RGS22: variants seen among roughly 807,000 people sequenced by gnomAD.
RGS22 encodes regulator of G-protein signaling 22.
RGS22 carries 148 observed loss-of-function variants against 172.9 expected under a neutral mutation model. That is an observed-to-expected ratio of 0.86 (90% CI 0.75 to 0.98). The LOEUF (loss-of-function observed/expected upper bound fraction) is 0.98, where lower values mean the gene tolerates loss of function less well. Among genes scored for constraint, RGS22 ranks in the 50% least tolerant of loss-of-function variants. RGS22 has a pLI of 0.00. For missense variants in RGS22, 1,347 were observed against 1,440.8 expected, an observed-to-expected ratio of 0.93 and a Z score of 1.05; for synonymous variants, 458 against 480.2, an observed-to-expected ratio of 0.95 and a Z score of 0.60.
intron 3 of RGS22, among the ~76,000 whole-genome samples, chr8:100,089,786 C>T (rs750043772): frequency 1.2e-4 from 19 of 152,102 alleles, no homozygotes; most frequent in Non-Finnish European, 2.2e-4. Flanking sequence ...TTCACACTAT[C>T]GGGATAAAAA....
At chr8:100,053,126 C>T in intron 9 of RGS22, 150 bp from the exon 10 acceptor site, 3 of 693,404 alleles carry the variant, frequency 4.3e-6, no homozygotes, top group Non-Finnish European at 7.0e-6. Context: ...TACTACATAG[C>T]CTTGAAAAAA....
chr8:100,068,061 T>C (rs925753548), intron 6 of RGS22, among the ~76,000 whole-genome samples: 1 of 152,134 alleles, frequency 6.6e-6, no homozygotes, highest in Non-Finnish European at 1.5e-5. Flanking sequence ...ACTTTGAATC[T>C]GCAAAATTCA....
At chr8:100,023,858 C>T (rs891359680) in intron 14 of RGS22, 1 of 152,304 alleles carries the variant, frequency 6.6e-6, no homozygotes, top group Non-Finnish European at 1.5e-5. Context: ...TTTCCTAGTT[C>T]AAATTTCAAA....
chr8:100,050,080 C>T (rs1246308797), intron 10 of RGS22, among the ~76,000 whole-genome samples: 1 of 150,634 alleles, frequency 6.6e-6, no homozygotes, highest in African/African-American at 2.4e-5. Flanking sequence ...AAAAGAAAAG[C>T]AAATGAATCC....
At chr8:100,096,061 C>G (rs1277110401) in intron 2 of RGS22, among the ~76,000 whole-genome samples, 1 of 152,188 alleles carries the variant, frequency 6.6e-6, no homozygotes, top group African/African-American at 2.4e-5. Flanking sequence ...TGTCACATCA[C>G]TAAGCAGTCT....
chr8:99,969,306 A>G (rs1249069564), intron 23 of RGS22, among the ~76,000 whole-genome samples: 1 of 152,220 alleles, frequency 6.6e-6, no homozygotes, highest in Non-Finnish European at 1.5e-5. Flanking sequence ...TGGAAAGACC[A>G]ATGACACTAT....
chr8:100,052,158 TAAATATATAAAC>T (rs1361294054), intron 10 of RGS22, among the ~76,000 whole-genome samples: 1,074 of 34,658 alleles, frequency 0.031, 412 homozygotes, highest in Non-Finnish European at 0.043. Flanking sequence ...AATATATATA[TAAATATATAAAC>T]ATATATAAAT....
chr8:100,063,818 C>T lies in RGS22; in HGVS notation c.950G>A (p.Ser317Asn). Residue 317 changes from serine (S) to asparagine (N), a missense_variant, in exon 8 of 28, where the codon AGC becomes AAC. Transcript: ENST00000360863. Reference protein sequence around the residue: ...MHFSTCEEFLSSYIYFILRGA... With the variant: ...MHFSTCEEFLNSYIYFILRGA... ...TCTCAAAATAAAGTATATATAGGAG[C>T]TTAAAAATTCTTCACATGTTGAGAA... is the stretch of plus-strand genomic sequence containing the variant. The T allele has an allele frequency of 6.2e-7, 1 of 1,609,466 alleles. No homozygotes were observed. Among genetic ancestry groups the T allele is most frequent in the East Asian group, 2.2e-5 (1 of 44,840 alleles).
intron 21 of RGS22, among the ~76,000 whole-genome samples, 200 bp downstream of exon 21, chr8:99,987,258 C>T (rs1813195306): frequency 6.6e-6 from 1 of 152,136 alleles, no homozygotes; most frequent in Non-Finnish European, 1.5e-5. Context: ...CCAGGGCTCA[C>T]TCTTACTCTT....
intron 2 of RGS22, among the ~76,000 whole-genome samples, chr8:100,104,866 C>G (rs1247606969): frequency 6.6e-6 from 1 of 152,100 alleles, no homozygotes; most frequent in Non-Finnish European, 1.5e-5. Flanking sequence ...ACAATGGAAC[C>G]CAGCCTAAAT....
intron 23 of RGS22, among the ~76,000 whole-genome samples, chr8:99,967,508 A>C (rs1810873737): frequency 6.6e-6 from 1 of 152,128 alleles, no homozygotes; most frequent in Non-Finnish European, 1.5e-5. Context: ...CCAGCACAAA[A>C]GTCTGAAGTC....
intron 15 of RGS22, among the ~76,000 whole-genome samples, chr8:100,007,093 G>A (rs1815808739): frequency 1.3e-5 from 2 of 152,098 alleles, no homozygotes; most frequent in African/African-American, 4.8e-5. Context: ...AGGACAAAGA[G>A]AAATCTAATT....
rs932981863 is a variant in RGS22, at chr8:99,971,684, T to A, written c.3519+6233A>T. On this transcript the variant is annotated intron_variant, in intron 23 of 27. Transcript: ENST00000360863. ...CAACTTACAAGGGACCTGAAGGACA[T>A]CTTCAAGGAGAACTACAAACCACTG... is the stretch of plus-strand genomic sequence containing the variant. 2.0e-5 allele frequency among the ~76,000 whole-genome samples: 3 copies of A among 152,228 alleles called. No individual in the cohort carries two copies. In the East Asian group the frequency reaches 5.8e-4, roughly 29 times the overall value.
At position 100,002,341 on chromosome 8, in the gene RGS22, TC is replaced by T; in HGVS notation, c.2650del (p.Asp884ThrfsTer8). 4 of 1,610,520 alleles carry T rather than the reference TC, an allele frequency of 2.5e-6. No homozygotes were observed. The highest frequency in any genetic ancestry group is 3.4e-6 in the Non-Finnish European group (4 of 1,179,054). On this transcript the variant is annotated frameshift_variant, in exon 18 of 28. Transcript: ENST00000360863. LOFTEE classifies it high-confidence loss of function. Reference sequence around the variant, plus strand: ...AGTTATTCTCCGGAACTGCTCAATGTCTGTCCAGCACATAAGATCCATGCTA... The same window carrying T: ...AGTTATTCTCCGGAACTGCTCAATGTTGTCCAGCACATAAGATCCATGCTA... ...SSSMDLMCWT[D>X]IEQFRRITYR...
chr8:100,004,224 T>A (rs139077112), intron 16 of RGS22, 126 bp from the exon 17 acceptor site: 10 of 1,174,302 alleles, frequency 8.5e-6, no homozygotes, highest in Non-Finnish European at 1.0e-5. Flanking sequence ...AATGGCAGAG[T>A]GGGTAAAGAC....
intron 2 of RGS22, among the ~76,000 whole-genome samples, chr8:100,102,515 T>C (rs933012843): frequency 7.2e-5 from 11 of 152,236 alleles, no homozygotes; most frequent in Non-Finnish European, 1.2e-4. Flanking sequence ...AATTATTTAA[T>C]CTATAGACAA....
At chr8:100,073,654 A>G (rs1811146521) in intron 4 of RGS22, among the ~76,000 whole-genome samples, 1 of 152,214 alleles carries the variant, frequency 6.6e-6, no homozygotes, top group African/African-American at 2.4e-5. Context: ...CTGAACGCCC[A>G]CTAGCGCTAC....
intron 12 of RGS22, among the ~76,000 whole-genome samples, chr8:100,041,289 G>T (rs550154322): frequency 6.6e-6 from 1 of 152,252 alleles, no homozygotes; most frequent in Non-Finnish European, 1.5e-5. Context: ...AGGAGTGCGA[G>T]ACCAGTCTGG....
chr8:99,986,879 A>G (rs1813153582), intron 21 of RGS22, among the ~76,000 whole-genome samples: 1 of 152,174 alleles, frequency 6.6e-6, no homozygotes, highest in African/African-American at 2.4e-5. Context: ...AGACATTGTT[A>G]GGAAAAAAAT....
Sources: gnomAD v4.1 joint callset for allele counts (sites outside exome capture counted in the v4.1 genomes callset) on GRCh38, gnomAD v4.1.1 for gene constraint, MANE v1.5 for transcripts, NCBI Gene and HGNC (gene_info 2026-07-23, HGNC 2026-07-21) for gene names.